The following COA5 variants were observed in gnomAD, a reference collection of about 807,000 sequenced individuals.
The protein encoded by COA5 is protein C2orf64.
COA5 carries 11 observed loss-of-function variants against 11.8 expected under a neutral mutation model. The observed-to-expected ratio is 0.93, with a 90% CI of 0.59 to 1.54. The LOEUF (loss-of-function observed/expected upper bound fraction) is 1.54. Among genes scored for constraint, COA5 ranks in the 40% most tolerant of loss-of-function variants. The pLI is 0.00. For missense variants in COA5, 87 were observed against 89.2 expected, an observed-to-expected ratio of 0.97 and a Z score of 0.10; for synonymous variants, 38 against 37.5, an observed-to-expected ratio of 1.01 and a Z score of -0.05.
intron 1 of COA5, among the ~76,000 whole-genome samples, chr2:98,607,264 TG>T (rs1450315055): frequency 1.3e-5 from 2 of 152,230 alleles, no homozygotes; most frequent in African/African-American, 4.8e-5. Context: ...TACCAGGAGC[TG>T]GCTGAACGGC....
chr2:98,604,517 C>T (rs1010356622), intron 1 of COA5: 1 of 283,160 alleles, frequency 3.5e-6, no homozygotes, highest in African/African-American at 2.2e-5. Flanking sequence ...ACTGGGTACC[C>T]TAAAATCAGA....
intron 1 of COA5, among the ~76,000 whole-genome samples, chr2:98,606,950 C>T (rs1700715278): frequency 6.6e-6 from 1 of 152,234 alleles, no homozygotes; most frequent in Non-Finnish European, 1.5e-5. Context: ...ACAACCACAA[C>T]AGTTCCCACT....
At chr2:98,605,102 G>A (rs1361759169) in intron 1 of COA5, among the ~76,000 whole-genome samples, 2 of 152,142 alleles carry the variant, frequency 1.3e-5, no homozygotes, top group East Asian at 3.8e-4. Flanking sequence ...AACTGCCTGG[G>A]GTAAAGATCC....
chr2:98,605,108 G>C (rs1294331854), intron 1 of COA5, among the ~76,000 whole-genome samples: 1 of 152,178 alleles, frequency 6.6e-6, no homozygotes, highest in African/African-American at 2.4e-5. Flanking sequence ...CTGGGGTAAA[G>C]ATCCATCTAG....
intron 2 of COA5, among the ~76,000 whole-genome samples, chr2:98,601,199 C>T (rs375972630): frequency 5.3e-5 from 8 of 151,700 alleles, no homozygotes; most frequent in African/African-American, 1.2e-4. Context: ...GAGCCAAGAT[C>T]GCACCACTGC....
At chr2:98,601,275 TAGA>T (rs1284623725) in intron 2 of COA5, among the ~76,000 whole-genome samples, 4 of 152,034 alleles carry the variant, frequency 2.6e-5, no homozygotes, top group African/African-American at 9.7e-5. Context: ...GCATTAAAAA[TAGA>T]AGTTCCGCTT....
chr2:98,601,640 C>G (rs1700642833), intron 2 of COA5, among the ~76,000 whole-genome samples: 1 of 152,158 alleles, frequency 6.6e-6, no homozygotes, highest in Admixed American at 6.5e-5. Context: ...TATTGGGGGT[C>G]CCTAACCTCC....
intron 1 of COA5, among the ~76,000 whole-genome samples, chr2:98,605,399 A>G (rs1156462733): frequency 6.6e-6 from 1 of 152,234 alleles, no homozygotes; most frequent in Non-Finnish European, 1.5e-5. Flanking sequence ...GTCTTGGACC[A>G]TGAATATGAG....
At chr2:98,601,482 G>T (rs1700640602) in intron 2 of COA5, among the ~76,000 whole-genome samples, 1 of 152,182 alleles carries the variant, frequency 6.6e-6, no homozygotes, top group Admixed American at 6.5e-5. Flanking sequence ...TCCTTCAGGT[G>T]AATTACCACC....
intron 2 of COA5, 88 bp from the exon 3 acceptor site, chr2:98,600,881 A>C: frequency 1.2e-6 from 1 of 844,290 alleles, no homozygotes; most frequent in Non-Finnish European, 2.0e-6. Flanking sequence ...ACCGCATGAG[A>C]GAAATAAACC....
intron 2 of COA5, among the ~76,000 whole-genome samples, chr2:98,602,864 T>C (rs975669130): frequency 6.6e-6 from 1 of 152,220 alleles, no homozygotes; most frequent in African/African-American, 2.4e-5. Flanking sequence ...GTAGAGAATT[T>C]CAGAGGGTTT....
At chr2:98,607,387 A>G (rs1299755378) in intron 1 of COA5, among the ~76,000 whole-genome samples, 1 of 152,218 alleles carries the variant, frequency 6.6e-6, no homozygotes, top group Non-Finnish European at 1.5e-5. Flanking sequence ...ATAATCTCTT[A>G]AATTTATAAT....
intron 2 of COA5, among the ~76,000 whole-genome samples, chr2:98,603,326 C>G (rs536639488): frequency 6.6e-6 from 1 of 152,004 alleles, no homozygotes; most frequent in East Asian, 1.9e-4. Context: ...TAAAAAAATA[C>G]AAAAATTAGC....
At chr2:98,601,106 G>A (rs2106592314) in intron 2 of COA5, among the ~76,000 whole-genome samples, 1 of 152,188 alleles carries the variant, frequency 6.6e-6, no homozygotes, top group South Asian at 2.1e-4. Flanking sequence ...TTAGCTGGGT[G>A]TGGTGGCATG....
intron 2 of COA5, among the ~76,000 whole-genome samples, chr2:98,601,306 C>T (rs1700639020): frequency 6.6e-6 from 1 of 152,064 alleles, no homozygotes; most frequent in African/African-American, 2.4e-5. Context: ...ATCAAGAATC[C>T]AAATTACATT....
chr2:98,604,315 G>C, intron 1 of COA5, 124 bp from the exon 2 acceptor site: 1 of 779,628 alleles, frequency 1.3e-6, no homozygotes, highest in Non-Finnish European at 2.2e-6. Context: ...AAGTTATGTA[G>C]GAAATAGTTC....
chr2:98,600,755 A>G lies in COA5; in HGVS notation c.222T>C (p.Tyr74=). 1.2e-6 allele frequency: 2 copies of G among 1,610,080 alleles called. No homozygotes were observed. Among genetic ancestry groups the G allele is most frequent in the South Asian group, 2.2e-5 (2 of 90,794 alleles). ...NRARFRGRKG[Y] is the part of the protein sequence containing the mutation. Reference sequence around the variant, plus strand: ...ATGTTGGCTTCAACATAATGCATCAATATCCTTTTCTTCCTCTGAATCTTG... The same window carrying G: ...ATGTTGGCTTCAACATAATGCATCAGTATCCTTTTCTTCCTCTGAATCTTG... Residue 74 remains tyrosine (Y), a synonymous_variant, in exon 3 of 3, where the codon TAT becomes TAC. Transcript: ENST00000328709.
At chr2:98,604,245 A>T in intron 1 of COA5, 54 bp from the exon 2 acceptor site, 2 of 1,283,180 alleles carry the variant, frequency 1.6e-6, no homozygotes, top group Non-Finnish European at 2.3e-6. Context: ...CTCACAAAGT[A>T]CAAAATAATT....
rs1006908314 is a variant in COA5, at chr2:98,600,544, TTTC to T, written c.*205_*207del. 1.7e-6 allele frequency: 1 copy of T among 590,316 alleles called. No individual in the cohort carries two copies. The highest frequency in any genetic ancestry group is 3.0e-6 in the Non-Finnish European group (1 of 330,050). 36.6% of individuals were successfully genotyped at this position (590,316 alleles called of 1,614,324 possible). On this transcript the variant is annotated 3_prime_UTR_variant, in exon 3 of 3. Coordinates refer to ENST00000328709, the MANE Select transcript of COA5 (RefSeq NM_001008215.3). Reference sequence around the variant, plus strand: ...CAACCCATACCTGTTCAATTAGGTTTTTCTTCTAAAAATAACTTGGATCAAGAG... The same window carrying T: ...CAACCCATACCTGTTCAATTAGGTTTTTCTAAAAATAACTTGGATCAAGAG...
Sources: allele counts gnomAD v4.1 joint callset (sites outside exome capture counted in the v4.1 genomes callset), GRCh38; gene constraint gnomAD v4.1.1; transcripts MANE v1.5; gene names NCBI Gene and HGNC (gene_info 2026-07-23, HGNC 2026-07-21).